The following TIMELESS variants were observed in gnomAD, a reference collection of about 807,000 sequenced individuals.
TIMELESS encodes the protein timeless circadian regulator.
In TIMELESS, 124 loss-of-function variants were observed where a neutral mutation model predicts 164.3. That is an observed-to-expected ratio of 0.75 (90% confidence interval 0.65 to 0.88). The LOEUF is 0.88. Ranked by LOEUF, TIMELESS falls within the 40% of genes least tolerant of loss-of-function variation. TIMELESS has a pLI of 0.00. For missense variants in TIMELESS, 1,422 were observed against 1,491.4 expected (o/e 0.95, Z 0.77); for synonymous variants, 564 against 563.4 (o/e 1.00, Z -0.02).
At chr12:56,441,809 C>T (rs975092969) in intron 1 of TIMELESS, among the ~76,000 whole-genome samples, 8 of 152,082 alleles carry the variant, frequency 5.3e-5, no homozygotes, top group Admixed American at 2.0e-4. Context: ...AGAGGCCAGG[C>T]GCGGTGGCTC....
intron 1 of TIMELESS, among the ~76,000 whole-genome samples, chr12:56,446,472 G>A (rs1868351261): frequency 1.3e-5 from 2 of 151,148 alleles, no homozygotes; most frequent in African/African-American, 2.4e-5. Flanking sequence ...TACCTCTCAC[G>A]CTTCTCTCTC....
rs772221714 is a variant in TIMELESS at position 56,423,481 on chromosome 12, C to A, written c.2091-6G>T. On this transcript the variant is annotated splice_region_variant and splice_polypyrimidine_tract_variant and intron_variant, in intron 17 of 28. Coordinates refer to ENST00000553532, the MANE Select transcript of TIMELESS (RefSeq NM_003920.5). ...CGACAGTTGAACATGCAAAGCTGCA[C>A]CAAAACAAGGAGGGAGAGGATGTCA... 8.7e-6 allele frequency: 14 copies of A among 1,613,856 alleles called. No homozygotes were observed. Among genetic ancestry groups the A allele is most frequent in the African/African-American group, 1.3e-5 (1 of 74,886 alleles).
intron 1 of TIMELESS, among the ~76,000 whole-genome samples, chr12:56,444,560 T>C (rs1382743591): frequency 6.6e-6 from 1 of 152,086 alleles, no homozygotes; most frequent in African/African-American, 2.4e-5. Flanking sequence ...TTCCATCTGT[T>C]TTTTTCTTTT....
intron 6 of TIMELESS, 84 bp from the exon 7 acceptor site, chr12:56,432,608 C>G: frequency 2.6e-6 from 4 of 1,534,858 alleles, no homozygotes; most frequent in Non-Finnish European, 3.5e-6. Flanking sequence ...ATTCTTTGAC[C>G]AAGCCTCCTC....
intron 23 of TIMELESS, 87 bp from the exon 24 acceptor site, chr12:56,421,221 C>G (rs879616338): frequency 9.1e-5 from 145 of 1,590,636 alleles, no homozygotes; most frequent in Non-Finnish European, 1.2e-4. Flanking sequence ...CACCGCACCC[C>G]CCCGCGCCTG....
At chr12:56,420,070 GTATATA>G (rs71081354) in intron 26 of TIMELESS, among the ~76,000 whole-genome samples, 74 of 96,770 alleles carry the variant, frequency 7.6e-4, no homozygotes, top group South Asian at 1.4e-3. Flanking sequence ...GTGTGTGTGT[GTATATA>G]TATATATATA....
At position 56,417,926 on chromosome 12, in the gene TIMELESS, T is replaced by A. The variant is rs773193426; in HGVS notation, c.3537A>T (p.Glu1179Asp). 2.5e-6 allele frequency: 4 copies of A among 1,614,086 alleles called. No individual in the cohort carries two copies. Residue 1179 changes from glutamate (E) to aspartate (D), a missense_variant, in exon 28 of 29, where the codon GAA becomes GAT. Transcript: ENST00000553532. Reference sequence around the variant, plus strand: ...CCCTACCTCTGTTCCTGCCCTCATCTTCTTCCTGTTCCTCGTCGCTGTCCA... The same window carrying A: ...CCCTACCTCTGTTCCTGCCCTCATCATCTTCCTGTTCCTCGTCGCTGTCCA... ...QLLDSDEEQE[E>D]DEGRNRAPEL...
chr12:56,423,330 A>G lies in TIMELESS; in HGVS notation c.2236T>C (p.Ser746Pro). 1.2e-6 allele frequency: 2 copies of G among 1,614,140 alleles called. No individual in the cohort carries two copies. Among genetic ancestry groups the G allele is most frequent in the South Asian group, 2.2e-5 (2 of 91,076 alleles). The change falls in exon 18 of 29, where the codon TCA (serine) becomes CCA (proline). Residue 746 changes from serine (S) to proline (P), a missense_variant. By Grantham distance (74) the Ser-to-Pro change is moderately conservative. Coordinates refer to ENST00000553532, the MANE Select transcript of TIMELESS (RefSeq NM_003920.5). ...AGACGATTGAAGAGGCAGAAGACTGACAGCTGAAAAAGTAGGGCTTCCATT... is the reference window on the plus strand; with the variant it reads ...AGACGATTGAAGAGGCAGAAGACTGGCAGCTGAAAAAGTAGGGCTTCCATT... ...LKMEALLFQLSVFCLFNRLLS... is the reference protein window; with the variant it reads ...LKMEALLFQLPVFCLFNRLLS...
At chr12:56,439,061 G>T (rs1284166760) in intron 1 of TIMELESS, among the ~76,000 whole-genome samples, 1 of 150,706 alleles carries the variant, frequency 6.6e-6, no homozygotes, top group Admixed American at 6.6e-5. Context: ...AGCTACTCGG[G>T]AGGCTGAGGC....
intron 15 of TIMELESS, 140 bp from the exon 16 acceptor site, chr12:56,424,034 A>G: frequency 1.3e-6 from 1 of 749,140 alleles, no homozygotes; most frequent in South Asian, 1.9e-5. Context: ...AATGAAACAA[A>G]GACTCCAGGG....
chr12:56,421,030 T>C lies in TIMELESS; in HGVS notation c.2973A>G (p.Glu991=), dbSNP rs1236452913. The C allele has an allele frequency of 2.5e-6, 4 of 1,614,246 alleles. No homozygotes were observed. In the South Asian group the frequency reaches 3.3e-5, roughly 13 times the overall value. The change falls in exon 24 of 29, where the codon GAA becomes GAG. Residue 991 remains glutamate (E), a synonymous_variant. Coordinates refer to ENST00000553532, the MANE Select transcript of TIMELESS (RefSeq NM_003920.5). ...CTAAGCTACCCTGGACTTGTTCTGC[T>C]TCTGAGCCCCCTTCTTCTTCCTCTT... is the stretch of plus-strand genomic sequence containing the variant. The part of the protein sequence containing the change: ...DSEEEEEGGS[E]AEQVQGSLVL...
At position 56,417,801 on chromosome 12, in the gene TIMELESS, G is replaced by T. The variant is rs773247382; in HGVS notation, c.3557-15C>A. 5 of 1,613,980 alleles carry T rather than the reference G, an allele frequency of 3.1e-6. No individual in the cohort carries two copies. In the South Asian group the frequency reaches 3.3e-5, roughly 11 times the overall value. On this transcript the variant is annotated splice_polypyrimidine_tract_variant and intron_variant, in intron 28 of 28. Coordinates refer to ENST00000553532, the MANE Select transcript of TIMELESS (RefSeq NM_003920.5). ...CAACTCTGGTGCTGTGGGAACGATGGGGGTGAGAGAGAGAGAGAATATCTA... is the reference window on the plus strand; with the variant it reads ...CAACTCTGGTGCTGTGGGAACGATGTGGGTGAGAGAGAGAGAGAATATCTA...
At chr12:56,419,685 C>T (rs2136130764) in intron 26 of TIMELESS, among the ~76,000 whole-genome samples, 1 of 151,904 alleles carries the variant, frequency 6.6e-6, no homozygotes. Flanking sequence ...AGTAAGGAAC[C>T]ATCAATGGCT....
chr12:56,419,683 A>G (rs1304788023), intron 26 of TIMELESS, among the ~76,000 whole-genome samples: 1 of 151,854 alleles, frequency 6.6e-6, no homozygotes, highest in East Asian at 1.9e-4. Flanking sequence ...GCAGTAAGGA[A>G]CCATCAATGG....
chr12:56,420,736 G>A (rs372406034), intron 25 of TIMELESS, 49 bp from the exon 26 acceptor site: 3 of 1,612,860 alleles, frequency 1.9e-6, no homozygotes, highest in Non-Finnish European at 2.5e-6. Context: ...GGAAGAACTG[G>A]TTCTCCATCC....
chr12:56,428,767 C>T (rs1015180803), intron 11 of TIMELESS, 115 bp from the exon 12 acceptor site: 28 of 1,467,028 alleles, frequency 1.9e-5, no homozygotes, highest in Non-Finnish European at 2.5e-5. Context: ...AATTTCCCAG[C>T]CAGTCCTTGC....
In TIMELESS at chr12:56,423,680, G is replaced by T; in HGVS notation, c.1994C>A (p.Ala665Glu). The stretch of plus-strand genomic sequence containing the variant: ...CTCCTCCTCCTCTTCTTCTTCCTCT[G>T]CCCCACGTTCCTCTGGGCCCTGCTG... ...PRQQGPEERG[A>E]EEEEEEEEEE... is the part of the protein sequence containing the mutation. Residue 665 changes from alanine to glutamate, a missense_variant, in exon 17 of 29, where the codon GCA becomes GAA. Transcript: ENST00000553532. 1 of 1,613,790 alleles carries T rather than the reference G, an allele frequency of 6.2e-7. No homozygotes were observed. The highest frequency in any genetic ancestry group is 8.5e-7 in the Non-Finnish European group (1 of 1,179,872).
intron 11 of TIMELESS, 97 bp from the exon 12 acceptor site, chr12:56,428,749 C>T: frequency 2.0e-6 from 3 of 1,465,082 alleles, no homozygotes; most frequent in Non-Finnish European, 2.8e-6. Context: ...AATGTGCCAC[C>T]CAAACTAAAT....
intron 13 of TIMELESS, among the ~76,000 whole-genome samples, chr12:56,426,596 G>A (rs1398561165): frequency 2.0e-5 from 3 of 151,978 alleles, no homozygotes; most frequent in Non-Finnish European, 4.4e-5. Flanking sequence ...GTCTTGCTCT[G>A]TTGCCCAGGC....
Sources: gnomAD v4.1 joint callset for allele counts (sites outside exome capture counted in the v4.1 genomes callset) on GRCh38, gnomAD v4.1.1 for gene constraint, MANE v1.5 for transcripts, NCBI Gene and HGNC (gene_info 2026-07-23, HGNC 2026-07-21) for gene names.